GRM1: variants seen among roughly 807,000 people sequenced by gnomAD.
GRM1 encodes the protein glutamate metabotropic receptor 1.
GRM1 carries 33 observed loss-of-function variants against 90.9 expected under a neutral mutation model. The observed-to-expected ratio is 0.36, with a 90% confidence interval of 0.28 to 0.49. The LOEUF (loss-of-function observed/expected upper bound fraction) is 0.49, where lower values mean the gene tolerates loss of function less well. Ranked by LOEUF, GRM1 falls within the 20% of genes least tolerant of loss-of-function variation. The pLI, the probability that GRM1 is intolerant of heterozygous loss-of-function variation, is 0.99. For missense variants in GRM1, 1,190 were observed against 1,534.3 expected, an observed-to-expected ratio of 0.78 and a Z score of 3.75; for synonymous variants, 700 against 613.2, an observed-to-expected ratio of 1.14 and a Z score of -2.09.
intron 3 of GRM1, among the ~76,000 whole-genome samples, chr6:146,347,693 G>T (rs1461940541): frequency 6.6e-6 from 1 of 152,176 alleles, no homozygotes; most frequent in African/African-American, 2.4e-5. Flanking sequence ...TTCTAGAAAT[G>T]CTCCATACCA....
intron 2 of GRM1, among the ~76,000 whole-genome samples, chr6:146,252,965 C>A (rs1203264695): frequency 1.3e-5 from 2 of 151,584 alleles, no homozygotes; most frequent in Non-Finnish European, 2.9e-5. Context: ...GAGGCTGAGG[C>A]AACAGAATCA....
At chr6:146,183,818 C>A (rs1262671190) in intron 2 of GRM1, among the ~76,000 whole-genome samples, 1 of 152,166 alleles carries the variant, frequency 6.6e-6, no homozygotes, top group Non-Finnish European at 1.5e-5. Flanking sequence ...GTTCCAATAT[C>A]TACCCTGACT....
chr6:146,153,856 C>T (rs1219141104), intron 1 of GRM1, among the ~76,000 whole-genome samples: 2 of 152,156 alleles, frequency 1.3e-5, no homozygotes, highest in Non-Finnish European at 2.9e-5. Context: ...TTGGGACAAA[C>T]ATTTCATGAA....
intron 3 of GRM1, among the ~76,000 whole-genome samples, chr6:146,335,551 T>C (rs1784743310): frequency 6.6e-6 from 1 of 152,166 alleles, no homozygotes; most frequent in Non-Finnish European, 1.5e-5. Context: ...CCAGCTCCTG[T>C]TCCCCTTTTC....
At chr6:146,416,777 G>A in intron 7 of GRM1, among the ~76,000 whole-genome samples, 1 of 152,166 alleles carries the variant, frequency 6.6e-6, no homozygotes, top group Non-Finnish European at 1.5e-5. Context: ...GGGTTCCGAT[G>A]GTGTACTTGA....
chr6:146,080,993 G>T (rs1776347664), intron 1 of GRM1, among the ~76,000 whole-genome samples: 1 of 152,172 alleles, frequency 6.6e-6, no homozygotes, highest in South Asian at 2.1e-4. Context: ...CTCAGAGATG[G>T]CAGGTCCTGG....
intron 2 of GRM1, among the ~76,000 whole-genome samples, chr6:146,275,691 A>G (rs909314870): frequency 6.6e-6 from 1 of 152,188 alleles, no homozygotes; most frequent in East Asian, 1.9e-4. Flanking sequence ...TTCATAAACA[A>G]AATTCATTTT....
chr6:146,341,033 T>C (rs1279922981), intron 3 of GRM1, among the ~76,000 whole-genome samples: 2 of 152,144 alleles, frequency 1.3e-5, no homozygotes, highest in Non-Finnish European at 2.9e-5. Context: ...TGCACACACA[T>C]GGTGAGAGAG....
rs1481747300 is a variant in GRM1 at position 146,434,167 on chromosome 6, G to A, written c.2956G>A (p.Ala986Thr). Residue 986 changes from alanine to threonine, a missense_variant, in exon 8 of 8, where the codon GCG (alanine) becomes ACG (threonine). Physicochemically the swap from Ala to Thr is moderately conservative, Grantham distance 58. Around this residue, in one of 10 missense-constraint regions of GRM1, gnomAD observed 400 missense variants for 360.8 expected, o/e 1.11. Coordinates refer to ENST00000282753, the MANE Select transcript of GRM1 (RefSeq NM_001278064.2). Reference protein sequence around the residue: ...MVVHRRVPSAATTPPLPSHLT... With the variant: ...MVVHRRVPSATTTPPLPSHLT... Reference sequence around the variant, plus strand: ...GGTGCACAGGCGCGTGCCAAGCGCGGCGACCACTCCGCCTCTGCCGTCCCA... The same window carrying A: ...GGTGCACAGGCGCGTGCCAAGCGCGACGACCACTCCGCCTCTGCCGTCCCA... The A allele has an allele frequency of 8.1e-6, 13 of 1,613,590 alleles. No homozygotes were observed. The highest frequency in any genetic ancestry group is 1.6e-4 in the Middle Eastern group (1 of 6,084).
intron 7 of GRM1, among the ~76,000 whole-genome samples, chr6:146,400,912 T>C (rs35984207): frequency 6.6e-6 from 1 of 152,130 alleles, no homozygotes; most frequent in African/African-American, 2.4e-5. Context: ...TTATAACTTG[T>C]ATTTATTTAT....
At chr6:146,335,820 A>G (rs1784753981) in intron 3 of GRM1, among the ~76,000 whole-genome samples, 1 of 152,160 alleles carries the variant, frequency 6.6e-6, no homozygotes, top group Non-Finnish European at 1.5e-5. Context: ...CCTGAATTGT[A>G]GCTCCCATAA....
chr6:146,171,385 C>G (rs888311043), intron 2 of GRM1: 1 of 155,518 alleles, frequency 6.4e-6, no homozygotes, highest in African/African-American at 2.4e-5. Flanking sequence ...GAGATGAGCT[C>G]ACTGAAATGG....
chr6:146,251,754 T>C (rs1195926650), intron 2 of GRM1, among the ~76,000 whole-genome samples: 1 of 152,230 alleles, frequency 6.6e-6, no homozygotes, highest in Non-Finnish European at 1.5e-5. Flanking sequence ...CTTCAATGGC[T>C]TCCTATCTCA....
At chr6:146,327,884 G>T (rs1276935155) in intron 3 of GRM1, among the ~76,000 whole-genome samples, 2 of 152,118 alleles carry the variant, frequency 1.3e-5, no homozygotes, top group East Asian at 1.9e-4. Context: ...TTTGAAGAGA[G>T]ATTTCGATGG....
chr6:146,291,938 A>C (rs1783000453), intron 2 of GRM1, among the ~76,000 whole-genome samples: 3 of 152,058 alleles, frequency 2.0e-5, no homozygotes, highest in Non-Finnish European at 4.4e-5. Flanking sequence ...TAGTAATCAA[A>C]ACAATGTGGT....
At chr6:146,164,579 CAATTCATCTGTAA>C (rs1185561510) in intron 2 of GRM1, among the ~76,000 whole-genome samples, 1 of 152,046 alleles carries the variant, frequency 6.6e-6, no homozygotes, top group African/African-American at 2.4e-5. Context: ...TGTATCTGAA[CAATTCATCTGTAA>C]AATTGGAACA....
intron 1 of GRM1, among the ~76,000 whole-genome samples, chr6:146,099,675 T>A (rs1354939936): frequency 6.6e-6 from 1 of 152,234 alleles, no homozygotes; most frequent in East Asian, 1.9e-4. Context: ...TGTGGCTTGT[T>A]TTTCTTAACC....
intron 2 of GRM1, among the ~76,000 whole-genome samples, chr6:146,233,761 A>G (rs1780528838): frequency 6.6e-6 from 1 of 152,114 alleles, no homozygotes; most frequent in Admixed American, 6.6e-5. Context: ...TGCATTTGAA[A>G]TAATAATATA....
At position 146,201,501 on chromosome 6, in the gene GRM1, A is replaced by G. The variant is rs547354387; in HGVS notation, c.950+41904A>G. Among the ~76,000 whole-genome samples, 3 of 152,300 alleles carry G rather than the reference A, an allele frequency of 2.0e-5. No homozygotes were observed. In the East Asian group the frequency reaches 5.8e-4, roughly 29 times the overall value. On this transcript the variant is annotated intron_variant, in intron 2 of 7. Coordinates refer to ENST00000282753, the MANE Select transcript of GRM1 (RefSeq NM_001278064.2). ...CCCTCTTCTGGGATTGCAGAGGGCC[A>G]TCTTGCTATATCCTCACATAGCAGA...
Sources: allele counts gnomAD v4.1 joint callset (sites outside exome capture counted in the v4.1 genomes callset), GRCh38; gene constraint gnomAD v4.1.1; regional missense constraint gnomAD v4.1.1; transcripts MANE v1.5; gene names NCBI Gene and HGNC (gene_info 2026-07-23, HGNC 2026-07-21).